Variants in GRIN2A observed in about 807,000 individuals in gnomAD.
The protein encoded by GRIN2A is glutamate ionotropic receptor NMDA type subunit 2A, also known as glutamate receptor ionotropic, NMDA 2A.
GRIN2A carries 22 observed loss-of-function variants against 113.4 expected under a neutral mutation model. The ratio of observed to expected loss-of-function variants is 0.19; its 90% confidence interval spans 0.14 to 0.28. The LOEUF (loss-of-function observed/expected upper bound fraction) is 0.28. GRIN2A is among the 10% of genes least tolerant of loss of function. The pLI is 1.00. For missense variants in GRIN2A, 1,502 were observed against 1,887.0 expected, an observed-to-expected ratio of 0.80 and a Z score of 3.78; for synonymous variants, 827 against 738.4, an observed-to-expected ratio of 1.12 and a Z score of -1.94.
chr16:10,111,863 G>A (rs779247867), intron 2 of GRIN2A: 82 of 1,002,110 alleles, frequency 8.2e-5, no homozygotes, highest in East Asian at 6.6e-4. Context: ...ATCTCCTCCC[G>A]AGACATCAAC....
At chr16:9,883,346 G>A (rs2043521722) in intron 4 of GRIN2A, among the ~76,000 whole-genome samples, 1 of 152,152 alleles carries the variant, frequency 6.6e-6, no homozygotes, top group Admixed American at 6.5e-5. Flanking sequence ...CAGATGAAAG[G>A]AACAGACCTT....
chr16:10,041,785 A>G (rs2047170711), intron 2 of GRIN2A, among the ~76,000 whole-genome samples: 1 of 152,098 alleles, frequency 6.6e-6, no homozygotes, highest in Admixed American at 6.6e-5. Flanking sequence ...TATAAATCCA[A>G]CCTACTCCGC....
At chr16:10,062,924 CAT>C (rs2047573271) in intron 2 of GRIN2A, among the ~76,000 whole-genome samples, 1 of 151,786 alleles carries the variant, frequency 6.6e-6, no homozygotes, top group African/African-American at 2.4e-5. Context: ...CACATGCACT[CAT>C]ATGTTCGCTG....
At chr16:9,839,888 A>G (rs142341056) in intron 7 of GRIN2A, among the ~76,000 whole-genome samples, 9 of 152,280 alleles carry the variant, frequency 5.9e-5, no homozygotes, top group African/African-American at 2.2e-4. Context: ...GCTGCTATAA[A>G]GAACTGCCCG....
chr16:9,971,501 C>T (rs1161729627), intron 2 of GRIN2A, among the ~76,000 whole-genome samples: 1 of 152,182 alleles, frequency 6.6e-6, no homozygotes, highest in African/African-American at 2.4e-5. Flanking sequence ...CTAGTAGAGC[C>T]CAGTCAACCC....
intron 2 of GRIN2A, among the ~76,000 whole-genome samples, chr16:10,006,185 A>G (rs2046401889): frequency 6.6e-6 from 1 of 152,188 alleles, no homozygotes; most frequent in Admixed American, 6.5e-5. Flanking sequence ...GAAGTCACCA[A>G]CTGTGCTCTC....
chr16:9,841,943 C>A (rs1464454810), intron 5 of GRIN2A, among the ~76,000 whole-genome samples: 1 of 152,138 alleles, frequency 6.6e-6, no homozygotes, highest in Admixed American at 6.5e-5. Flanking sequence ...CCAGGCAAAC[C>A]AGAAAAATAC....
rs2049887072 is a variant in GRIN2A at position 10,165,184 on chromosome 16, TCCACA to T, written c.414+14809_414+14813del. Among the ~76,000 whole-genome samples the T allele has an allele frequency of 7.9e-5, 12 of 152,204 alleles. No individual in the cohort carries two copies. In the South Asian group the frequency reaches 2.5e-3, roughly 32 times the overall value. On this transcript the variant is annotated intron_variant, in intron 2 of 12. Transcript: ENST00000330684. ...AAATTATCAAGTAAATCATGAGATA[TCCACA>T]GAATAGAAAACATAGAAGATAAAAA... is the stretch of plus-strand genomic sequence containing the variant.
chr16:9,784,544 T>C (rs1188968836), intron 11 of GRIN2A, among the ~76,000 whole-genome samples: 1 of 150,998 alleles, frequency 6.6e-6, no homozygotes, highest in Non-Finnish European at 1.5e-5. Context: ...GGACTTCATG[T>C]CTAAAACACC....
In GRIN2A at chr16:9,786,133, C is replaced by G. The variant is rs141627540; in HGVS notation, c.2356+12144G>C. Among the ~76,000 whole-genome samples the G allele has an allele frequency of 3.0e-3, 456 of 152,314 alleles. 1 individual carries two copies. The highest frequency in any genetic ancestry group is 0.01 in the African/African-American group (427 of 41,582). ...TGATTAAAACACGTTTAGCAAGGAA[C>G]AATAACTTTCTGAAATTCTGGAGAT... On this transcript the variant is annotated intron_variant, in intron 11 of 12. Transcript: ENST00000330684.
intron 11 of GRIN2A, among the ~76,000 whole-genome samples, chr16:9,773,226 G>T (rs1055998004): frequency 2.6e-5 from 4 of 152,164 alleles, no homozygotes; most frequent in Non-Finnish European, 2.9e-5. Flanking sequence ...CTTAAACTGG[G>T]CAGCATTGCA....
intron 2 of GRIN2A, among the ~76,000 whole-genome samples, chr16:10,003,592 C>T (rs2046357560): frequency 1.3e-5 from 2 of 152,172 alleles, no homozygotes; most frequent in African/African-American, 4.8e-5. Context: ...TGAAATTGTG[C>T]ACACTCCCAC....
At chr16:9,774,606 A>C (rs997928766) in intron 11 of GRIN2A, among the ~76,000 whole-genome samples, 16 of 152,268 alleles carry the variant, frequency 1.1e-4, no homozygotes, top group Non-Finnish European at 2.2e-4. Flanking sequence ...TAACTCATGT[A>C]AACTTAATAT....
intron 2 of GRIN2A, among the ~76,000 whole-genome samples, chr16:9,997,880 C>T (rs2046254708): frequency 6.6e-6 from 1 of 152,188 alleles, no homozygotes; most frequent in South Asian, 2.1e-4. Context: ...TCCTGCTTTA[C>T]CTTCCACCAT....
chr16:9,781,082 C>A (rs1405528083), intron 11 of GRIN2A, among the ~76,000 whole-genome samples: 3 of 151,422 alleles, frequency 2.0e-5, no homozygotes, highest in Non-Finnish European at 2.9e-5. Context: ...CTCAACTCTG[C>A]CTTTGTAGCA....
intron 4 of GRIN2A, among the ~76,000 whole-genome samples, chr16:9,887,380 C>T (rs2043605526): frequency 6.6e-6 from 1 of 152,196 alleles, no homozygotes; most frequent in South Asian, 2.1e-4. Flanking sequence ...TATCTAACCC[C>T]ATAGGGAACG....
At chr16:10,144,215 C>T (rs976720594) in intron 2 of GRIN2A, among the ~76,000 whole-genome samples, 2 of 152,098 alleles carry the variant, frequency 1.3e-5, no homozygotes, top group South Asian at 2.1e-4. Flanking sequence ...AAAAATTTTT[C>T]GAGGAGCCGC....
At chr16:9,795,805 A>C (rs1045260633) in intron 11 of GRIN2A, among the ~76,000 whole-genome samples, 5 of 152,246 alleles carry the variant, frequency 3.3e-5, no homozygotes, top group African/African-American at 1.2e-4. Flanking sequence ...TGTAAATGGG[A>C]CAGTAGATTT....
chr16:9,885,342 C>A (rs965749452), intron 4 of GRIN2A, among the ~76,000 whole-genome samples: 2 of 152,122 alleles, frequency 1.3e-5, no homozygotes, highest in African/African-American at 4.8e-5. Flanking sequence ...TTTTGAGCAT[C>A]TCTGGGAAGC....
Sources: allele counts gnomAD v4.1 joint callset (sites outside exome capture counted in the v4.1 genomes callset), GRCh38; gene constraint gnomAD v4.1.1; transcripts MANE v1.5; gene names NCBI Gene and HGNC (gene_info 2026-07-23, HGNC 2026-07-21).